The following VPS50 variants were observed in gnomAD, a reference collection of about 807,000 sequenced individuals.
The protein encoded by VPS50 is syndetin.
Under a neutral mutation model 139.7 loss-of-function variants are expected in VPS50, and 70 were observed. The observed-to-expected ratio is 0.50, with a 90% confidence interval of 0.41 to 0.61. The LOEUF (loss-of-function observed/expected upper bound fraction) is 0.61, where lower values mean the gene tolerates loss of function less well. VPS50 is among the 20% of genes least tolerant of loss of function. The probability of loss-of-function intolerance (pLI) is 0.00; values close to 1 mark genes in which losing one functional copy is unlikely to be tolerated. For missense variants in VPS50, 921 were observed against 1,133.7 expected (o/e 0.81, Z 2.69); for synonymous variants, 365 against 376.7 (o/e 0.97, Z 0.36).
Position 93,333,841 on chromosome 7 carries a change from A to T in VPS50, c.1978-276A>T. 1.4e-5 allele frequency: 5 copies of T among 363,218 alleles called. No homozygotes were observed. The South Asian group carries it at 1.5e-4, about 11-fold the overall frequency. The allele number at this position is 363,218 out of a possible 1,614,324, so 22.5% of individuals were successfully genotyped here. A position where few individuals can be genotyped will look rare whatever the true frequency, so the allele number is the denominator to read the frequency against. ...TCAAGTTTTGCAACTAAAAATAATG[A>T]CTCGCGAGAAAGAAATTCTGGAGAA... is the stretch of plus-strand genomic sequence containing the variant. On this transcript the variant is annotated intron_variant, in intron 21 of 27. Transcript: ENST00000305866.
chr7:93,284,607 G>A (rs1428935747), intron 12 of VPS50, among the ~76,000 whole-genome samples: 1 of 152,112 alleles, frequency 6.6e-6, no homozygotes, highest in Non-Finnish European at 1.5e-5. Flanking sequence ...TTTTCTCCCC[G>A]ATTATATTTG....
intron 23 of VPS50, among the ~76,000 whole-genome samples, chr7:93,348,329 A>G (rs1254340640): frequency 6.6e-6 from 1 of 152,238 alleles, no homozygotes; most frequent in Non-Finnish European, 1.5e-5. Flanking sequence ...TGAGATTTCA[A>G]GAGTCTGTTG....
Position 93,237,278 on chromosome 7 carries a change from T to A in VPS50, c.34-2588T>A, listed in dbSNP as rs558350413. 2.6e-5 allele frequency among the ~76,000 whole-genome samples: 4 copies of A among 152,254 alleles called. No homozygotes were observed. In the South Asian group the frequency reaches 8.3e-4, roughly 32 times the overall value. On this transcript the variant is annotated intron_variant, in intron 1 of 27. Transcript: ENST00000305866. Reference sequence around the variant, plus strand: ...GCCTGTTTTACTTCTTATAATAGCCTATGAATGATCATAGAATATAATGCA... The same window carrying A: ...GCCTGTTTTACTTCTTATAATAGCCAATGAATGATCATAGAATATAATGCA...
chr7:93,238,847 TGA>T (rs1406509500), intron 1 of VPS50, among the ~76,000 whole-genome samples: 1 of 152,080 alleles, frequency 6.6e-6, no homozygotes, highest in African/African-American at 2.4e-5. Flanking sequence ...TAAGTGTGCC[TGA>T]GAGAGGGAGA....
chr7:93,276,365 C>T, intron 12 of VPS50, 60 bp downstream of exon 12: 1 of 1,536,292 alleles, frequency 6.5e-7, no homozygotes, highest in African/African-American at 1.4e-5. Flanking sequence ...ATTTATATTT[C>T]CTTTATCTTG....
chr7:93,290,444 G>C (rs1796616856), intron 12 of VPS50, among the ~76,000 whole-genome samples: 1 of 150,576 alleles, frequency 6.6e-6, no homozygotes. Flanking sequence ...GTGACCACAG[G>C]GGTTGTGCCT....
chr7:93,266,522 T>C (rs1397812613), intron 9 of VPS50, among the ~76,000 whole-genome samples: 5 of 152,236 alleles, frequency 3.3e-5, no homozygotes, highest in Admixed American at 1.3e-4. Flanking sequence ...CTAGATTAGT[T>C]GTTTAAAGAA....
intron 1 of VPS50, 27 bp from the exon 2 acceptor site, chr7:93,239,839 T>A (rs769679734): frequency 2.9e-6 from 4 of 1,376,086 alleles, no homozygotes; most frequent in Non-Finnish European, 3.1e-6. Context: ...ATGATTAAAA[T>A]TTTCCTCATC....
chr7:93,247,964 T>A lies in VPS50; in HGVS notation c.103-4689T>A, dbSNP rs2116805513. Reference sequence around the variant, plus strand: ...ATTCTGGGGTAATGCTGATAATACTTTTTGCTTAGTTGATTACCATTGACA... The same window carrying A: ...ATTCTGGGGTAATGCTGATAATACTATTTGCTTAGTTGATTACCATTGACA... On this transcript the variant is annotated intron_variant, in intron 2 of 27. Transcript: ENST00000305866. Among the ~76,000 whole-genome samples, 4 of 152,142 alleles carry A rather than the reference T, an allele frequency of 2.6e-5. No individual in the cohort carries two copies. In the East Asian group the frequency reaches 7.7e-4, roughly 29 times the overall value.
intron 23 of VPS50, among the ~76,000 whole-genome samples, chr7:93,347,396 A>G (rs1798427664): frequency 8.3e-6 from 1 of 120,816 alleles, no homozygotes; most frequent in Non-Finnish European, 1.6e-5. Flanking sequence ...AACTAGTTCA[A>G]CCCTTGTGGA....
intron 16 of VPS50, among the ~76,000 whole-genome samples, chr7:93,300,185 G>A (rs923072374): frequency 2.6e-5 from 4 of 152,096 alleles, no homozygotes; most frequent in African/African-American, 9.7e-5. Flanking sequence ...TTGAAGAAAT[G>A]TCTTTGAAGA....
At chr7:93,248,209 T>G (rs1795213390) in intron 2 of VPS50, among the ~76,000 whole-genome samples, 3 of 151,992 alleles carry the variant, frequency 2.0e-5, no homozygotes, top group African/African-American at 2.4e-5. Context: ...ATTTTTTTCT[T>G]AAATCATATG....
rs557189196 is a variant in VPS50 at position 93,310,401 on chromosome 7, T to G, written c.1749-765T>G. 2.6e-5 allele frequency among the ~76,000 whole-genome samples: 4 copies of G among 152,114 alleles called. No individual in the cohort carries two copies. In the East Asian group the frequency reaches 7.7e-4, roughly 29 times the overall value. ...TGTGCCAGATTATTAAATCAACTCC[T>G]TTACCTTGGATTCTTGTCTCTAGGC... On this transcript the variant is annotated intron_variant, in intron 19 of 27. Transcript: ENST00000305866.
At position 93,350,121 on chromosome 7, in the gene VPS50, A is replaced by G. The variant is rs1045999036; in HGVS notation, c.2463+88A>G. 12 of 832,976 alleles carry G rather than the reference A, an allele frequency of 1.4e-5. No individual in the cohort carries two copies. The South Asian group carries it at 2.0e-4, about 14-fold the overall frequency. The allele number at this position is 832,976 out of a possible 1,614,324, so 51.6% of individuals were successfully genotyped here. ...GCAGTGGCTCTAAAATAGTAAGATT[A>G]TAGTTATTACCACATTTCTAGCATT... On this transcript the variant is annotated intron_variant, in intron 25 of 27. Transcript: ENST00000305866.
intron 12 of VPS50, among the ~76,000 whole-genome samples, chr7:93,288,985 A>G (rs1584431879): frequency 6.6e-6 from 1 of 151,978 alleles, no homozygotes; most frequent in Admixed American, 6.6e-5. Context: ...TTTTTTTTCA[A>G]GTACATTGGC....
chr7:93,259,310 CAG>C, intron 8 of VPS50: 1 of 330,152 alleles, frequency 3.0e-6, no homozygotes, highest in Non-Finnish European at 5.5e-6. Context: ...GAAATGGTCT[CAG>C]GGGGCTGTTA....
At chr7:93,324,638 A>G (rs1460255014) in intron 21 of VPS50, among the ~76,000 whole-genome samples, 1 of 152,202 alleles carries the variant, frequency 6.6e-6, no homozygotes, top group Non-Finnish European at 1.5e-5. Flanking sequence ...AAGCATTCTT[A>G]TACACCAATA....
At chr7:93,324,723 A>T (rs1439340171) in intron 21 of VPS50, among the ~76,000 whole-genome samples, 1 of 152,166 alleles carries the variant, frequency 6.6e-6, no homozygotes, top group Non-Finnish European at 1.5e-5. Context: ...ATACCTAGGA[A>T]TCCAACTTAC....
At chr7:93,304,235 C>G (rs1797056575) in intron 17 of VPS50, among the ~76,000 whole-genome samples, 1 of 151,746 alleles carries the variant, frequency 6.6e-6, no homozygotes, top group South Asian at 2.1e-4. Context: ...GATCCTTGTT[C>G]AGAAAGTATG....
Sources: gnomAD v4.1 joint callset for allele counts (sites outside exome capture counted in the v4.1 genomes callset) on GRCh38, gnomAD v4.1.1 for gene constraint, MANE v1.5 for transcripts, NCBI Gene and HGNC (gene_info 2026-07-23, HGNC 2026-07-21) for gene names.